The following FLT1 variants were observed in gnomAD, a reference collection of about 807,000 sequenced individuals.
The protein encoded by FLT1 is vascular endothelial growth factor receptor 1.
A neutral mutation model predicts 156.3 loss-of-function variants in FLT1; 49 were observed. The ratio of observed to expected loss-of-function variants is 0.31; its 90% CI spans 0.25 to 0.40. The LOEUF (loss-of-function observed/expected upper bound fraction) is 0.40. Among genes scored for constraint, FLT1 ranks in the 10% least tolerant of loss-of-function variants. The probability of loss-of-function intolerance (pLI) is 1.00; values close to 1 mark genes in which losing one functional copy is unlikely to be tolerated. For synonymous variants in FLT1, 594 were observed against 583.8 expected, an observed-to-expected ratio of 1.02 and a Z score of -0.25; for missense variants, 1,322 against 1,637.2, an observed-to-expected ratio of 0.81 and a Z score of 3.32.
chr13:28,457,933 C>CTTTTTCT (rs1879352271), intron 3 of FLT1, among the ~76,000 whole-genome samples: 1 of 114,210 alleles, frequency 8.8e-6, no homozygotes, highest in African/African-American at 3.7e-5. Context: ...CTTTCCTTTT[C>CTTTTTCT]TTTTTTTTTT....
intron 13 of FLT1, chr13:28,387,181 C>G: frequency 9.7e-7 from 1 of 1,035,974 alleles, no homozygotes; most frequent in Non-Finnish European, 1.2e-6. Flanking sequence ...GCAGAACGTA[C>G]ATGGGACTCT....
At chr13:28,469,215 A>C (rs1279989077) in intron 1 of FLT1, among the ~76,000 whole-genome samples, 2 of 152,232 alleles carry the variant, frequency 1.3e-5, no homozygotes, top group Non-Finnish European at 2.9e-5. Context: ...ATTTGGCACC[A>C]ATCTCAGGGT....
chr13:28,375,094 G>T (rs1873786595), intron 14 of FLT1, among the ~76,000 whole-genome samples: 1 of 152,166 alleles, frequency 6.6e-6, no homozygotes, highest in African/African-American at 2.4e-5. Context: ...TTTAGGCAAA[G>T]CTTTAGGATA....
intron 3 of FLT1, chr13:28,466,642 T>C (rs1049219714): frequency 7.6e-6 from 4 of 528,148 alleles, no homozygotes; most frequent in African/African-American, 3.8e-5. Context: ...ATGGGCCACA[T>C]ACTGTGCTAG....
intron 29 of FLT1, among the ~76,000 whole-genome samples, chr13:28,304,025 G>A (rs1186851481): frequency 1.3e-5 from 2 of 152,160 alleles, no homozygotes. Flanking sequence ...AGGAAGAAGC[G>A]CTGCTCTTGC....
intron 10 of FLT1, among the ~76,000 whole-genome samples, chr13:28,426,100 G>A (rs903140136): frequency 6.7e-6 from 1 of 150,152 alleles, no homozygotes; most frequent in African/African-American, 2.5e-5. Context: ...TTTATGTTAG[G>A]ATTATGCTTT....
chr13:28,322,742 G>A lies in FLT1; in HGVS notation c.2953+48C>T, dbSNP rs762093010. ...AAAAAATTTCAGAGATGCATAGTAT[G>A]TTGTAAAAATATCTCAGCGCGTAGG... On this transcript the variant is annotated intron_variant, in intron 21 of 29. Coordinates refer to ENST00000282397, the MANE Select transcript of FLT1 (RefSeq NM_002019.4). This position sits in a 1 kb window ranked among gnomAD's most constrained non-coding sequence, Gnocchi z 4.3. 8.9e-6 allele frequency: 14 copies of A among 1,578,328 alleles called. No homozygotes were observed. The South Asian group carries it at 1.4e-4, about 16-fold the overall frequency.
intron 13 of FLT1, chr13:28,388,527 T>C (rs1165495074): frequency 9.6e-6 from 10 of 1,041,124 alleles, no homozygotes; most frequent in Non-Finnish European, 1.2e-5. Context: ...GAACAATGCA[T>C]ATTAAATTGG....
At chr13:28,321,824 T>G (rs1344268878) in intron 22 of FLT1, among the ~76,000 whole-genome samples, 1 of 152,272 alleles carries the variant, frequency 6.6e-6, no homozygotes, top group Non-Finnish European at 1.5e-5. Context: ...TCAGCGAAGC[T>G]GGTTATCTAA....
chr13:28,318,354 C>T (rs538123858), intron 24 of FLT1, among the ~76,000 whole-genome samples: 10 of 152,126 alleles, frequency 6.6e-5, no homozygotes, highest in East Asian at 1.9e-4. Flanking sequence ...GACCTAAGGG[C>T]GCCAGAGAGG....
chr13:28,488,634 G>A (rs1351219517), intron 1 of FLT1, among the ~76,000 whole-genome samples: 1 of 152,184 alleles, frequency 6.6e-6, no homozygotes, highest in South Asian at 2.1e-4. Context: ...GGGCCGGGAT[G>A]GGGGTGAGGA....
rs749139820 is a variant in FLT1, at chr13:28,321,582, T to C, written c.3055A>G (p.Ile1019Val). 10 of 1,614,030 alleles carry C rather than the reference T, an allele frequency of 6.2e-6. No homozygotes were observed. Among genetic ancestry groups the C allele is most frequent in the East Asian group, 4.5e-5 (2 of 44,894 alleles). The change falls in exon 23 of 30, where the codon ATT becomes GTT. Residue 1019 changes from isoleucine to valine, a missense_variant. Ile to Val is a conservative substitution (Grantham distance 29). Coordinates refer to ENST00000282397, the MANE Select transcript of FLT1 (RefSeq NM_002019.4). ...TTTCTCGCTGCCAGGTCCCGATGAA[T>C]GCACTATAATAAAACAGTTGCATAA... Reference protein sequence around the residue: ...GMEFLSSRKCIHRDLAARNIL... With the variant: ...GMEFLSSRKCVHRDLAARNIL...
intron 14 of FLT1, chr13:28,368,306 C>G: frequency 1.9e-6 from 1 of 524,698 alleles, no homozygotes. Flanking sequence ...GCATGAGCCA[C>G]CATGCCTGGC....
intron 3 of FLT1, among the ~76,000 whole-genome samples, chr13:28,438,638 A>T (rs898493512): frequency 6.6e-6 from 1 of 152,212 alleles, no homozygotes; most frequent in Non-Finnish European, 1.5e-5. Context: ...AAAAAGCCTA[A>T]AAGTGCAGTA....
At chr13:28,435,560 A>G (rs1877978760) in intron 4 of FLT1, among the ~76,000 whole-genome samples, 1 of 152,188 alleles carries the variant, frequency 6.6e-6, no homozygotes, top group African/African-American at 2.4e-5. Flanking sequence ...AACAGCCACA[A>G]AGAAGCTCGA....
chr13:28,421,131 C>T (rs1474388561), intron 10 of FLT1, among the ~76,000 whole-genome samples: 1 of 152,094 alleles, frequency 6.6e-6, no homozygotes, highest in Non-Finnish European at 1.5e-5. Context: ...TGAGATGTCA[C>T]ATTGTCATTG....
Position 28,427,804 on chromosome 13 carries a change from G to A in FLT1, c.1224C>T (p.Ser408=), listed in dbSNP as rs898618342. Residue 408 remains serine (S), a synonymous_variant, in exon 9 of 30, where the codon AGC becomes AGT. Transcript: ENST00000282397. ...TTTTAAACACATTTGACTGTTTTAT[G>A]CTCAGCAAGATTGTATAATTCCCTG... ...EDAGNYTILL[S]IKQSNVFKNL... 9.9e-6 allele frequency: 16 copies of A among 1,613,866 alleles called. No individual in the cohort carries two copies. The highest frequency in any genetic ancestry group is 1.4e-5 in the Non-Finnish European group (16 of 1,179,794).
intron 17 of FLT1, 133 bp downstream of exon 17, chr13:28,339,035 C>A (rs1177347173): frequency 4.0e-6 from 3 of 753,610 alleles, no homozygotes; most frequent in Non-Finnish European, 6.6e-6. Context: ...GTGTCCATCT[C>A]CCTTGCTAGT....
At chr13:28,312,742 T>G (rs1324271195) in intron 25 of FLT1, among the ~76,000 whole-genome samples, 2 of 152,060 alleles carry the variant, frequency 1.3e-5, no homozygotes, top group Non-Finnish European at 2.9e-5. Flanking sequence ...GTGTGGAGTT[T>G]CCGGGGCTGT....
Sources: gnomAD v4.1 joint callset for allele counts (sites outside exome capture counted in the v4.1 genomes callset) on GRCh38, gnomAD v4.1.1 for gene constraint, Gnocchi (gnomAD v3.1) non-coding constraint, MANE v1.5 for transcripts, NCBI Gene and HGNC (gene_info 2026-07-23, HGNC 2026-07-21) for gene names.